Variants in XK observed in about 807,000 individuals in gnomAD.
XK encodes the protein endoplasmic reticulum membrane adapter protein XK.
XK carries 2 observed loss-of-function variants against 14.0 expected under a neutral mutation model. The ratio of observed to expected loss-of-function variants is 0.14; its 90% CI spans 0.06 to 0.45. The LOEUF (loss-of-function observed/expected upper bound fraction) is 0.45, where lower values mean the gene tolerates loss of function less well. Among genes scored for constraint, XK ranks in the 20% least tolerant of loss-of-function variants. The pLI, the probability that XK is intolerant of heterozygous loss-of-function variation, is 0.98. For missense variants in XK, 235 were observed against 341.5 expected (o/e 0.69, Z 2.46); for synonymous variants, 149 against 147.5 (o/e 1.01, Z -0.08).
chrX:37,722,146 T>C (rs1927887994), intron 2 of XK, among the ~76,000 whole-genome samples: 2 of 111,890 alleles, frequency 1.8e-5, no homozygotes, highest in South Asian at 7.3e-4. Context: ...TATTTAAAAA[T>C]CATTAAATTG....
intron 1 of XK, among the ~76,000 whole-genome samples, chrX:37,687,948 G>T (rs1556440594): frequency 9.0e-6 from 1 of 110,919 alleles, no homozygotes; most frequent in African/African-American, 3.3e-5. Context: ...GTCCTTCCTA[G>T]CCAGGTAAGC....
At position 37,707,307 on chromosome X, in the gene XK, C is replaced by T. The variant is rs1219284383; in HGVS notation, c.508+12759C>T. Reference sequence around the variant, plus strand: ...GACGGGGCGGCTGGCCTGGCGGGGGCTGACCCCCACCTCCCTCCCGGACGG... The same window carrying T: ...GACGGGGCGGCTGGCCTGGCGGGGGTTGACCCCCACCTCCCTCCCGGACGG... On this transcript the variant is annotated intron_variant, in intron 2 of 2. Coordinates refer to ENST00000378616, the MANE Select transcript of XK (RefSeq NM_021083.4). 2.7e-5 allele frequency among the ~76,000 whole-genome samples: 3 copies of T among 109,142 alleles called. No homozygotes were observed. In the Admixed American group the frequency reaches 2.9e-4, roughly 10 times the overall value. The allele number at this position is 109,142 out of a possible 115,157, so 94.8% of individuals were successfully genotyped here.
intron 1 of XK, among the ~76,000 whole-genome samples, chrX:37,687,903 C>T (rs1556440587): frequency 9.1e-6 from 1 of 110,445 alleles, no homozygotes; most frequent in Non-Finnish European, 1.9e-5. Context: ...TTTAAAAGTC[C>T]TGCAACCTGG....
intron 2 of XK, among the ~76,000 whole-genome samples, chrX:37,715,665 G>A (rs1556447675): frequency 2.7e-5 from 3 of 111,249 alleles, no homozygotes; most frequent in Middle Eastern, 4.7e-3. Flanking sequence ...TCACTTTATT[G>A]GCTTACATTT....
chrX:37,694,447 T>G lies in XK; in HGVS notation c.407T>G (p.Phe136Cys). The change falls in exon 2 of 3, where the codon TTC becomes TGC. Residue 136 changes from phenylalanine to cysteine, a missense_variant. Physicochemically the swap from Phe to Cys is radical, Grantham distance 205. Transcript: ENST00000378616. ...AAACTAATCACCCACCGATCAGCGTTCAGCCGGGCGTCGGTGATCCAGGCT... is the reference window on the plus strand; with the variant it reads ...AAACTAATCACCCACCGATCAGCGTGCAGCCGGGCGTCGGTGATCCAGGCT... The part of the protein sequence containing the change: ...EGKLITHRSA[F>C]SRASVIQAFL... The G allele has an allele frequency of 8.4e-7, 1 of 1,194,873 alleles. No homozygotes were observed. The highest frequency in any genetic ancestry group is 1.1e-6 in the Non-Finnish European group (1 of 885,668).
chrX:37,720,088 C>T (rs782038044), intron 2 of XK, among the ~76,000 whole-genome samples: 52 of 111,164 alleles, frequency 4.7e-4, no homozygotes, highest in African/African-American at 1.6e-3. Context: ...TTTGGGTGTA[C>T]ACCAGGATCA....
chrX:37,691,694 T>C (rs1025900279), intron 1 of XK, among the ~76,000 whole-genome samples: 4 of 112,764 alleles, frequency 3.5e-5, no homozygotes, highest in African/African-American at 1.3e-4. Context: ...AATCTGTATA[T>C]ATTTTTTATA....
chrX:37,720,905 A>C (rs1927857214), intron 2 of XK, among the ~76,000 whole-genome samples: 1 of 111,634 alleles, frequency 9.0e-6, no homozygotes, highest in Admixed American at 9.5e-5. Context: ...TTCTTTATAC[A>C]GTCATCCATT....
At chrX:37,718,550 G>A (rs782579074) in intron 2 of XK, among the ~76,000 whole-genome samples, 9 of 111,472 alleles carry the variant, frequency 8.1e-5, no homozygotes, top group Non-Finnish European at 1.7e-4. Flanking sequence ...ATCCTTGTGC[G>A]GGCCTTTTAG....
chrX:37,728,533 G>A lies in XK; in HGVS notation c.*71G>A. ...GATACTCGTTATTCATACAAATAAT[G>A]AGCCCTACACAGGGAACAAGGCAGG... On this transcript the variant is annotated 3_prime_UTR_variant, in exon 3 of 3. Coordinates refer to ENST00000378616, the MANE Select transcript of XK (RefSeq NM_021083.4). 1 of 1,074,436 alleles carries A rather than the reference G, an allele frequency of 9.3e-7. No homozygotes were observed. Among genetic ancestry groups the A allele is most frequent in the East Asian group, 3.0e-5 (1 of 33,280 alleles). 88.5% of individuals were successfully genotyped at this position (1,074,436 alleles called of 1,213,427 possible). A position where few individuals can be genotyped will look rare whatever the true frequency, so the allele number is the denominator to read the frequency against.
At chrX:37,700,786 G>A (rs1927397368) in intron 2 of XK, among the ~76,000 whole-genome samples, 1 of 111,113 alleles carries the variant, frequency 9.0e-6, no homozygotes, top group South Asian at 3.8e-4. Context: ...GCTTTATTCA[G>A]AATAGCAAAG....
chrX:37,724,324 T>C (rs1252116641), intron 2 of XK, among the ~76,000 whole-genome samples: 1 of 111,231 alleles, frequency 9.0e-6, no homozygotes, highest in Non-Finnish European at 1.9e-5. Context: ...GACAGTGTAG[T>C]AGTGGCAAAA....
intron 2 of XK, among the ~76,000 whole-genome samples, chrX:37,697,384 T>C (rs1927323491): frequency 8.9e-6 from 1 of 112,259 alleles, no homozygotes. Flanking sequence ...TCTCTTAAGA[T>C]AGTGAGAGGA....
chrX:37,692,439 CAG>C (rs1333496082), intron 1 of XK, among the ~76,000 whole-genome samples: 1 of 111,632 alleles, frequency 9.0e-6, no homozygotes, highest in Admixed American at 9.5e-5. Context: ...TTTTTTGAGA[CAG>C]AGTCTCGCTC....
intron 2 of XK, among the ~76,000 whole-genome samples, chrX:37,698,647 T>C (rs1023979894): frequency 1.8e-5 from 2 of 108,470 alleles, no homozygotes; most frequent in Non-Finnish European, 3.8e-5. Context: ...ATTTATGGAC[T>C]CAATGAGTAT....
At chrX:37,701,331 C>G (rs1227717166) in intron 2 of XK, among the ~76,000 whole-genome samples, 3 of 112,677 alleles carry the variant, frequency 2.7e-5, no homozygotes, top group Non-Finnish European at 5.6e-5. Context: ...GTGATGGCCT[C>G]TAAAGCATGT....
At chrX:37,708,021 C>T in intron 2 of XK, among the ~76,000 whole-genome samples, 1 of 112,621 alleles carries the variant, frequency 8.9e-6, no homozygotes, top group Non-Finnish European at 1.9e-5. Context: ...CCGGCCAACA[C>T]AGCGAAACCC....
At chrX:37,712,206 A>G (rs782055460) in intron 2 of XK, among the ~76,000 whole-genome samples, 2 of 111,788 alleles carry the variant, frequency 1.8e-5, no homozygotes, top group South Asian at 3.8e-4. Flanking sequence ...TGATAACCTG[A>G]TGCAATCATC....
At chrX:37,705,312 C>A (rs991121892) in intron 2 of XK, among the ~76,000 whole-genome samples, 2 of 109,649 alleles carry the variant, frequency 1.8e-5, no homozygotes, top group South Asian at 7.9e-4. Flanking sequence ...ATTAGCCGGG[C>A]GTGGTGGCGG....
Sources: gnomAD v4.1 joint callset for allele counts (sites outside exome capture counted in the v4.1 genomes callset) on GRCh38, gnomAD v4.1.1 for gene constraint, MANE v1.5 for transcripts, NCBI Gene and HGNC (gene_info 2026-07-23, HGNC 2026-07-21) for gene names.